AMMECR1L: variants seen among roughly 807,000 people sequenced by gnomAD.
AMMECR1L encodes AMMECR1 like.
Under a neutral mutation model 36.8 loss-of-function variants are expected in AMMECR1L, and 4 were observed. The observed-to-expected ratio is 0.11, with a 90% confidence interval of 0.05 to 0.25. The LOEUF (loss-of-function observed/expected upper bound fraction) is 0.25, where lower values mean the gene tolerates loss of function less well. AMMECR1L is among the 10% of genes least tolerant of loss of function. The pLI, the probability that AMMECR1L is intolerant of heterozygous loss-of-function variation, is 1.00. For missense variants in AMMECR1L, 232 were observed against 392.1 expected (o/e 0.59, Z 3.45); for synonymous variants, 147 against 148.0 (o/e 0.99, Z 0.05).
intron 3 of AMMECR1L, chr2:127,872,876 G>A: frequency 1.8e-6 from 1 of 542,610 alleles, no homozygotes; most frequent in Non-Finnish European, 2.4e-6. Context: ...TGTTACCCCA[G>A]GGTGACGGTT....
intron 6 of AMMECR1L, among the ~76,000 whole-genome samples, chr2:127,868,191 T>C (rs984339196): frequency 4.6e-5 from 7 of 152,152 alleles, no homozygotes; most frequent in Admixed American, 3.3e-4. Context: ...TAAAACCAAC[T>C]TCATCAAATT....
intron 1 of AMMECR1L, chr2:127,885,489 G>A (rs1057002722): frequency 1.0e-4 from 101 of 983,604 alleles, no homozygotes; most frequent in Non-Finnish European, 1.1e-4. Flanking sequence ...CAGCGAGCGA[G>A]CCTGCTTCCT....
rs10568778 is a variant in AMMECR1L at position 127,877,036 on chromosome 2, CATATAT to C, written c.-38-2770_-38-2765del. ...CTGTCTCCAAATATATATATATATA[CATATAT>C]ATATATATATATATGTACATAAAGG... On this transcript the variant is annotated intron_variant, in intron 2 of 7. Coordinates refer to ENST00000272647, the MANE Select transcript of AMMECR1L (RefSeq NM_001199140.2). Among the ~76,000 whole-genome samples the C allele has an allele frequency of 4.6e-3, 656 of 142,228 alleles. 3 individuals are homozygous for C. Among genetic ancestry groups the C allele is most frequent in the African/African-American group, 0.016 (621 of 39,130 alleles). The allele number at this position is 142,228 out of a possible 152,430, so 93.3% of individuals were successfully genotyped here. A position where few individuals can be genotyped will look rare whatever the true frequency, so the allele number is the denominator to read the frequency against.
rs1690942055 is a variant in AMMECR1L, at chr2:127,871,046, C to A, written c.519-118G>T. On this transcript the variant is annotated intron_variant, in intron 4 of 7. Transcript: ENST00000272647. This position sits in a 1 kb window ranked among gnomAD's most constrained non-coding sequence, Gnocchi z 4.3. ...TATGCAGAGAGTATCTATTGTTCATCAACACTAACATGTTAAAAACAACTC... is the reference window on the plus strand; with the variant it reads ...TATGCAGAGAGTATCTATTGTTCATAAACACTAACATGTTAAAAACAACTC... The A allele has an allele frequency of 7.6e-6, 7 of 921,052 alleles. No homozygotes were observed. The highest frequency in any genetic ancestry group is 1.1e-5 in the Non-Finnish European group (7 of 611,602). 57.1% of individuals were successfully genotyped at this position (921,052 alleles called of 1,614,324 possible).
In AMMECR1L at chr2:127,874,696, C is replaced by T. The variant is rs1050037838; in HGVS notation, c.-38-424G>A. ...CTATTTTTAAAGAACTCCAGAGGAA[C>T]TTTCATGATTTTCCTTGTTAACCAC... is the stretch of plus-strand genomic sequence containing the variant. On this transcript the variant is annotated intron_variant, in intron 2 of 7. Coordinates refer to ENST00000272647, the MANE Select transcript of AMMECR1L (RefSeq NM_001199140.2). The surrounding 1 kb of genome is among the most constrained non-coding windows in gnomAD (Gnocchi z 5.2). Among the ~76,000 whole-genome samples the T allele has an allele frequency of 5.9e-5, 9 of 152,228 alleles. No individual in the cohort carries two copies. The highest frequency in any genetic ancestry group is 2.2e-4 in the African/African-American group (9 of 41,460).
intron 2 of AMMECR1L, among the ~76,000 whole-genome samples, chr2:127,879,453 C>A (rs1161239315): frequency 6.6e-6 from 1 of 152,174 alleles, no homozygotes; most frequent in Admixed American, 6.5e-5. Flanking sequence ...CAAGGCCTCC[C>A]CAGAAGCAGA....
rs1272999189 is a variant in AMMECR1L, at chr2:127,874,395, C to A, written c.-38-123G>T. The A allele has an allele frequency of 1.1e-5, 10 of 902,044 alleles. No individual in the cohort carries two copies. Among genetic ancestry groups the A allele is most frequent in the African/African-American group, 5.1e-5 (3 of 59,178 alleles). The allele number at this position is 902,044 out of a possible 1,614,324, so 55.9% of individuals were successfully genotyped here. On this transcript the variant is annotated intron_variant, in intron 2 of 7. Transcript: ENST00000272647. The surrounding 1 kb of genome is among the most constrained non-coding windows in gnomAD (Gnocchi z 5.2). The stretch of plus-strand genomic sequence containing the variant: ...CTGTCAAATTCTTTCTCCCACTCAA[C>A]CTCCAGGTCACAGACCAGGAGAAGA...
At chr2:127,879,894 T>A (rs778414714) in intron 2 of AMMECR1L, among the ~76,000 whole-genome samples, 24 of 152,328 alleles carry the variant, frequency 1.6e-4, no homozygotes, top group Middle Eastern at 3.4e-3. Context: ...CTCCACTTAA[T>A]GACATACTTA....
Position 127,873,558 on chromosome 2 carries a change from A to C in AMMECR1L, c.407+270T>G, listed in dbSNP as rs1691089205. 2.0e-6 allele frequency: 2 copies of C among 985,468 alleles called. No individual in the cohort carries two copies. The allele number at this position is 985,468 out of a possible 1,614,324, so 61.0% of individuals were successfully genotyped here. On this transcript the variant is annotated intron_variant, in intron 3 of 7. Transcript: ENST00000272647. The surrounding 1 kb of genome is among the most constrained non-coding windows in gnomAD (Gnocchi z 5.2). Reference sequence around the variant, plus strand: ...TGCCATACCCACTGCCATGTGAACCAACAGAAGAGCCAAGAATGAACTCAC... The same window carrying C: ...TGCCATACCCACTGCCATGTGAACCCACAGAAGAGCCAAGAATGAACTCAC...
chr2:127,865,835 G>A lies in AMMECR1L; in HGVS notation c.822-630C>T, dbSNP rs116345200. 4.3e-3 allele frequency among the ~76,000 whole-genome samples: 648 copies of A among 152,296 alleles called. 2 individuals are homozygous for A. Among genetic ancestry groups the A allele is most frequent in the African/African-American group, 0.015 (614 of 41,560 alleles). ...TCTGGAAAGAGCCATGAGTCAGGATGCGAAGCATGGGGTGTTACAAACCTA... is the reference window on the plus strand; with the variant it reads ...TCTGGAAAGAGCCATGAGTCAGGATACGAAGCATGGGGTGTTACAAACCTA... On this transcript the variant is annotated intron_variant, in intron 7 of 7. Transcript: ENST00000272647. This position sits in a 1 kb window ranked among gnomAD's most constrained non-coding sequence, Gnocchi z 5.4.
At chr2:127,880,368 T>G (rs1480041794) in intron 2 of AMMECR1L, among the ~76,000 whole-genome samples, 1 of 152,218 alleles carries the variant, frequency 6.6e-6, no homozygotes, top group African/African-American at 2.4e-5. Flanking sequence ...TACTCATACC[T>G]CAACAAAAAG....
chr2:127,876,487 A>G (rs369323845), intron 2 of AMMECR1L, among the ~76,000 whole-genome samples: 1 of 152,096 alleles, frequency 6.6e-6, no homozygotes, highest in Non-Finnish European at 1.5e-5. Context: ...TACATACTCA[A>G]TATAATAAAA....
intron 6 of AMMECR1L, 59 bp from the exon 7 acceptor site, chr2:127,867,055 C>T (rs1690718127): frequency 6.2e-7 from 1 of 1,607,326 alleles, no homozygotes; most frequent in Non-Finnish European, 8.5e-7. Flanking sequence ...GGCATGCTCT[C>T]ACATGGCCCG....
intron 2 of AMMECR1L, among the ~76,000 whole-genome samples, chr2:127,878,303 G>A (rs7566033): frequency 0.023 from 3,480 of 152,200 alleles, 124 homozygotes; most frequent in African/African-American, 0.079. Context: ...TGTGGGCAGC[G>A]AGCTAGAGAT....
At position 127,871,453 on chromosome 2, in the gene AMMECR1L, T is replaced by C. The variant is rs555213842; in HGVS notation, c.408-94A>G. 3.9e-6 allele frequency: 5 copies of C among 1,283,202 alleles called. No homozygotes were observed. Among genetic ancestry groups the C allele is most frequent in the African/African-American group, 1.5e-5 (1 of 67,690 alleles). The allele number at this position is 1,283,202 out of a possible 1,614,324, so 79.5% of individuals were successfully genotyped here. On this transcript the variant is annotated intron_variant, in intron 3 of 7. Coordinates refer to ENST00000272647, the MANE Select transcript of AMMECR1L (RefSeq NM_001199140.2). This position sits in a 1 kb window ranked among gnomAD's most constrained non-coding sequence, Gnocchi z 4.3. ...GCTTTGTCCCTATTCATTTCTGTTATTGCCAAAAATCCCTGTTTTTGGACT... is the reference window on the plus strand; with the variant it reads ...GCTTTGTCCCTATTCATTTCTGTTACTGCCAAAAATCCCTGTTTTTGGACT...
At position 127,862,495 on chromosome 2, in the gene AMMECR1L, C is replaced by G. The variant is rs966500489; in HGVS notation, c.*2599G>C. ...CCAGACTTGGTATTTTTCCTGAGAG[C>G]CACCTGCTACACACTTTCATGAGGC... On this transcript the variant is annotated 3_prime_UTR_variant, in exon 8 of 8. Coordinates refer to ENST00000272647, the MANE Select transcript of AMMECR1L (RefSeq NM_001199140.2). 6.5e-6 allele frequency: 1 copy of G among 153,676 alleles called. No individual in the cohort carries two copies. The highest frequency in any genetic ancestry group is 2.4e-5 in the African/African-American group (1 of 41,446). 9.5% of individuals were successfully genotyped at this position (153,676 alleles called of 1,614,324 possible).
chr2:127,872,087 G>A (rs1337926899), intron 3 of AMMECR1L, among the ~76,000 whole-genome samples: 1 of 151,670 alleles, frequency 6.6e-6, no homozygotes, highest in Non-Finnish European at 1.5e-5. Context: ...TACTCGGGAG[G>A]CTGAGGTGGG....
rs1232627759 is a variant in AMMECR1L at position 127,864,740 on chromosome 2, T to G, written c.*354A>C. The stretch of plus-strand genomic sequence containing the variant: ...TGCAGGGGTGTGTGTGGGTTCAACC[T>G]TCAGGGATCATCAATTTCAGCTTCC... On this transcript the variant is annotated 3_prime_UTR_variant, in exon 8 of 8. Transcript: ENST00000272647. 5.9e-6 allele frequency: 1 copy of G among 170,074 alleles called. No homozygotes were observed. The highest frequency in any genetic ancestry group is 1.3e-5 in the Non-Finnish European group (1 of 79,800). The allele number at this position is 170,074 out of a possible 1,614,324, so 10.5% of individuals were successfully genotyped here. A position where few individuals can be genotyped will look rare whatever the true frequency, so the allele number is the denominator to read the frequency against.
In AMMECR1L at chr2:127,874,066, T is replaced by C. The variant is rs767831498; in HGVS notation, c.169A>G (p.Ser57Gly). The C allele has an allele frequency of 1.4e-5, 22 of 1,614,152 alleles. No individual in the cohort carries two copies. The East Asian group carries it at 3.8e-4, about 28-fold the overall frequency. Reference protein sequence around the residue: ...GPLQNHQHVDSSSGRENVSDL... With the variant: ...GPLQNHQHVDGSSGRENVSDL... ...GACACATTCTCCCGTCCACTGCTGC[T>C]GTCCACATGCTGGTGGTTTTGAAGA... The change falls in exon 3 of 8, where the codon AGC becomes GGC. Residue 57 changes from serine (S) to glycine (G), a missense_variant. Physicochemically the swap from Ser to Gly is moderately conservative, Grantham distance 56. This residue lies in a region of AMMECR1L where 109 missense variants were observed against 128.1 expected (regional missense o/e 0.85). Transcript: ENST00000272647. This position sits in a 1 kb window ranked among gnomAD's most constrained non-coding sequence, Gnocchi z 5.2.
Sources: gnomAD v4.1 joint callset for allele counts (sites outside exome capture counted in the v4.1 genomes callset) on GRCh38, gnomAD v4.1.1 for gene constraint, gnomAD v4.1.1 regional missense constraint, Gnocchi (gnomAD v3.1) non-coding constraint, MANE v1.5 for transcripts, NCBI Gene and HGNC (gene_info 2026-07-23, HGNC 2026-07-21) for gene names.